AP3D1: variants seen among roughly 807,000 people sequenced by gnomAD.
AP3D1 encodes adaptor related protein complex 3 subunit delta 1.
Under a neutral mutation model 147.6 loss-of-function variants are expected in AP3D1, and 51 were observed. The ratio of observed to expected loss-of-function variants is 0.35; its 90% CI spans 0.28 to 0.44. The LOEUF (loss-of-function observed/expected upper bound fraction) is 0.44. Ranked by LOEUF, AP3D1 falls within the 20% of genes least tolerant of loss-of-function variation. The probability of loss-of-function intolerance (pLI) is 1.00; values close to 1 mark genes in which losing one functional copy is unlikely to be tolerated. For missense variants in AP3D1, 1,421 were observed against 1,624.2 expected, an observed-to-expected ratio of 0.87 and a Z score of 2.15; for synonymous variants, 760 against 663.0, an observed-to-expected ratio of 1.15 and a Z score of -2.25.
intron 22 of AP3D1, among the ~76,000 whole-genome samples, chr19:2,113,732 C>T (rs1050552755): frequency 1.3e-5 from 2 of 152,234 alleles, no homozygotes; most frequent in Admixed American, 1.3e-4. Flanking sequence ...TGGACAGGCT[C>T]CCAGGCCCTG....
At chr19:2,137,903 C>G in intron 2 of AP3D1, 96 bp from the exon 3 acceptor site, 1 of 1,065,358 alleles carries the variant, frequency 9.4e-7, no homozygotes, top group Non-Finnish European at 1.4e-6. Flanking sequence ...GCACACGGTG[C>G]TGGAACAGAC....
chr19:2,123,065 C>A (rs1047526418), intron 11 of AP3D1, among the ~76,000 whole-genome samples: 1 of 152,272 alleles, frequency 6.6e-6, no homozygotes, highest in African/African-American at 2.4e-5. Flanking sequence ...TGAGTGGCAT[C>A]TGTCCAACTG....
chr19:2,115,592 C>T lies in AP3D1; in HGVS notation c.2095G>A (p.Val699Met), dbSNP rs201591947. The change falls in exon 19 of 32, where the codon GTG becomes ATG. Residue 699 changes from valine to methionine, a missense_variant. Coordinates refer to ENST00000643116, the MANE Select transcript of AP3D1 (RefSeq NM_001261826.3). ...PQKRYQDTPG[V>M]EHIPVVQIDL... ...ATCTGCACCACGGGAATGTGCTCCACGCCCGGGGTGTCCTGGTACCGCTGC... is the reference window on the plus strand; with the variant it reads ...ATCTGCACCACGGGAATGTGCTCCATGCCCGGGGTGTCCTGGTACCGCTGC... 16 of 1,612,956 alleles carry T rather than the reference C, an allele frequency of 9.9e-6. No individual in the cohort carries two copies. The highest frequency in any genetic ancestry group is 2.7e-5 in the African/African-American group (2 of 75,034).
chr19:2,154,657 C>A (rs2019631000), upstream of AP3D1, among the ~76,000 whole-genome samples: 1 of 152,214 alleles, frequency 6.6e-6, no homozygotes, highest in South Asian at 2.1e-4. Context: ...CTTTTCACTG[C>A]CCAAGGCAGG....
At chr19:2,117,088 T>C in intron 16 of AP3D1, 134 bp downstream of exon 16, 3 of 1,178,368 alleles carry the variant, frequency 2.5e-6, no homozygotes, top group Non-Finnish European at 3.5e-6. Flanking sequence ...GTGAGGGATA[T>C]ACCCGCCTGA....
At chr19:2,136,958 G>T in intron 4 of AP3D1, 53 bp downstream of exon 4, 1 of 1,507,942 alleles carries the variant, frequency 6.6e-7, no homozygotes, top group East Asian at 2.5e-5. Flanking sequence ...CAGACGCTCC[G>T]GCAAGGGCAG....
chr19:2,151,961 C>G (rs1446813783), upstream of AP3D1, among the ~76,000 whole-genome samples: 1 of 152,210 alleles, frequency 6.6e-6, no homozygotes, highest in African/African-American at 2.4e-5. Context: ...TAATAGCTGA[C>G]GCGGCCTGAG....
At chr19:2,117,401 GC>G (rs1362545185) in intron 15 of AP3D1, 34 bp from the exon 16 acceptor site, 1 of 1,534,054 alleles carries the variant, frequency 6.5e-7, no homozygotes, top group Non-Finnish European at 8.8e-7. Context: ...GCTGGCACCT[GC>G]CCGGAAGGCC....
At chr19:2,118,151 C>T (rs1267043555) in intron 15 of AP3D1, among the ~76,000 whole-genome samples, 1 of 152,132 alleles carries the variant, frequency 6.6e-6, no homozygotes, top group African/African-American at 2.4e-5. Flanking sequence ...AGGAGTGAAA[C>T]TCCATCTCGA....
chr19:2,130,937 C>A (rs975373809), intron 5 of AP3D1, among the ~76,000 whole-genome samples: 1 of 152,246 alleles, frequency 6.6e-6, no homozygotes, highest in African/African-American at 2.4e-5. Context: ...CCCAGGGAGT[C>A]GCCTCGAACT....
chr19:2,114,972 G>A (rs2018398892), intron 20 of AP3D1, 151 bp from the exon 21 acceptor site: 1 of 916,102 alleles, frequency 1.1e-6, no homozygotes. Context: ...TCAGCGTCTA[G>A]GCACTAAGGG....
intron 9 of AP3D1, among the ~76,000 whole-genome samples, chr19:2,125,726 G>A (rs2018736188): frequency 6.6e-6 from 1 of 152,046 alleles, no homozygotes; most frequent in Non-Finnish European, 1.5e-5. Flanking sequence ...ATGTAGGCCG[G>A]GCGCGGTGTG....
At chr19:2,116,471 TG>T in intron 17 of AP3D1, 133 bp downstream of exon 17, 1 of 1,298,806 alleles carries the variant, frequency 7.7e-7, no homozygotes. Context: ...GCTAACGCTC[TG>T]GGAGGCAGGG....
chr19:2,108,144 A>G (rs2018163550), intron 31 of AP3D1, among the ~76,000 whole-genome samples: 1 of 152,192 alleles, frequency 6.6e-6, no homozygotes, highest in African/African-American at 2.4e-5. Context: ...ACTCTACTGC[A>G]CGTCTGATGA....
chr19:2,138,560 C>T (rs1381907519), intron 2 of AP3D1, 59 bp downstream of exon 2: 15 of 1,280,178 alleles, frequency 1.2e-5, no homozygotes, highest in Admixed American at 1.7e-5. Context: ...ATAGGGGACA[C>T]GTGCTGAGTG....
intron 1 of AP3D1, among the ~76,000 whole-genome samples, chr19:2,157,130 C>CCA (rs2019651876): frequency 6.6e-6 from 1 of 151,848 alleles, no homozygotes; most frequent in African/African-American, 2.4e-5. Flanking sequence ...ACCCACCCAT[C>CCA]CACAACGTTT....
At position 2,109,076 on chromosome 19, in the gene AP3D1, C is replaced by A; in HGVS notation, c.3472+10G>T. On this transcript the variant is annotated intron_variant, in intron 30 of 31. Coordinates refer to ENST00000643116, the MANE Select transcript of AP3D1 (RefSeq NM_001261826.3). ...CCCCGTGCAATCCATCAGCCCCTCA[C>A]TCTCCTTACCGGAAAAATGGTGGTG... is the stretch of plus-strand genomic sequence containing the variant. The A allele has an allele frequency of 6.2e-7, 1 of 1,607,936 alleles. No homozygotes were observed. Among genetic ancestry groups the A allele is most frequent in the South Asian group, 1.1e-5 (1 of 90,080 alleles).
rs948703490 is a variant in AP3D1 at position 2,112,770 on chromosome 19, A to T, written c.2787+90T>A. On this transcript the variant is annotated intron_variant, in intron 24 of 31. Transcript: ENST00000643116. ...AATGCGAGAGCAGGGCTGCCCTGGG[A>T]CCTGGGTGGCGGAAGCTGTGTCCGG... 3 of 997,682 alleles carry T rather than the reference A, an allele frequency of 3.0e-6. No individual in the cohort carries two copies. The African/African-American group carries it at 4.9e-5, about 16-fold the overall frequency. The allele number at this position is 997,682 out of a possible 1,614,324, so 61.8% of individuals were successfully genotyped here.
intron 1 of AP3D1, among the ~76,000 whole-genome samples, chr19:2,145,677 C>A (rs1568307929): frequency 6.6e-6 from 1 of 152,078 alleles, no homozygotes; most frequent in Non-Finnish European, 1.5e-5. Flanking sequence ...TGAGCATCAC[C>A]CAGAAGCTGG....
Sources: allele counts gnomAD v4.1 joint callset (sites outside exome capture counted in the v4.1 genomes callset), GRCh38; gene constraint gnomAD v4.1.1; transcripts MANE v1.5; gene names NCBI Gene and HGNC (gene_info 2026-07-23, HGNC 2026-07-21).